The following VPS35L variants were observed in gnomAD, a reference collection of about 807,000 sequenced individuals.
The protein encoded by VPS35L is VPS35 endosomal protein-sorting factor-like.
A neutral mutation model predicts 133.0 loss-of-function variants in VPS35L; 83 were observed. The ratio of observed to expected loss-of-function variants is 0.62; its 90% CI spans 0.52 to 0.75. The LOEUF (loss-of-function observed/expected upper bound fraction) is 0.75. Among genes scored for constraint, VPS35L ranks in the 30% least tolerant of loss-of-function variants. The pLI is 0.00. For missense variants in VPS35L, 1,083 were observed against 1,206.8 expected (o/e 0.90, Z 1.52); for synonymous variants, 423 against 449.9 (o/e 0.94, Z 0.76).
chr16:19,571,729 GA>G (rs1018179064), intron 3 of VPS35L, among the ~76,000 whole-genome samples: 3 of 151,688 alleles, frequency 2.0e-5, no homozygotes, highest in Admixed American at 6.6e-5. Flanking sequence ...ATTTTTTGTA[GA>G]GACAAGGTTT....
At chr16:19,616,264 T>C in intron 13 of VPS35L, 73 bp downstream of exon 13, 1 of 1,348,174 alleles carries the variant, frequency 7.4e-7, no homozygotes, top group Admixed American at 1.7e-5. Context: ...ACCCAGTTGG[T>C]TTTCCAAGTG....
intron 14 of VPS35L, chr16:19,617,561 A>C (rs936676627): frequency 5.9e-5 from 9 of 152,118 alleles, no homozygotes; most frequent in African/African-American, 4.8e-5. Context: ...TTATAATTTT[A>C]TTTTTCTTTT....
intron 23 of VPS35L, among the ~76,000 whole-genome samples, chr16:19,645,798 AAAG>A (rs1357008930): frequency 6.6e-6 from 1 of 152,204 alleles, no homozygotes; most frequent in African/African-American, 2.4e-5. Context: ...CCGAGAGTGG[AAAG>A]AAGGTGTGTC....
At position 19,579,046 on chromosome 16, in the gene VPS35L, G is replaced by A. The variant is rs1971624126; in HGVS notation, c.434-6G>A. ...CACCTGTGTGACGTAAATTCATTCTGTTTAGGCAAAGCTGGGACTGCCACA... is the reference window on the plus strand; with the variant it reads ...CACCTGTGTGACGTAAATTCATTCTATTTAGGCAAAGCTGGGACTGCCACA... On this transcript the variant is annotated splice_polypyrimidine_tract_variant and splice_region_variant and intron_variant, in intron 5 of 30. Transcript: ENST00000417362. 2 of 1,613,792 alleles carry A rather than the reference G, an allele frequency of 1.2e-6. No homozygotes were observed. Among genetic ancestry groups the A allele is most frequent in the African/African-American group, 1.3e-5 (1 of 74,932 alleles).
intron 28 of VPS35L, among the ~76,000 whole-genome samples, chr16:19,687,242 T>TA (rs1207415817): frequency 1.3e-5 from 2 of 152,156 alleles, no homozygotes; most frequent in East Asian, 3.8e-4. Context: ...TCTTCTCCAT[T>TA]GCTGGGCTGT....
intron 26 of VPS35L, among the ~76,000 whole-genome samples, chr16:19,660,339 A>T (rs1445386348): frequency 2.0e-5 from 3 of 151,932 alleles, no homozygotes; most frequent in Admixed American, 6.6e-5. Flanking sequence ...AAAAAAAAAA[A>T]AATAAAGAAG....
intron 27 of VPS35L, among the ~76,000 whole-genome samples, chr16:19,670,990 T>C (rs1180577086): frequency 6.6e-6 from 1 of 152,172 alleles, no homozygotes; most frequent in Non-Finnish European, 1.5e-5. Flanking sequence ...TTCAGAAGAT[T>C]GTGTATGTTC....
chr16:19,591,426 C>A (rs1295860673), intron 7 of VPS35L, among the ~76,000 whole-genome samples: 1 of 151,802 alleles, frequency 6.6e-6, no homozygotes, highest in Non-Finnish European at 1.5e-5. Flanking sequence ...TCTTAAGAGA[C>A]TGTTATGGGC....
chr16:19,651,303 G>T (rs1974115024), intron 25 of VPS35L, among the ~76,000 whole-genome samples: 1 of 152,058 alleles, frequency 6.6e-6, no homozygotes, highest in Non-Finnish European at 1.5e-5. Flanking sequence ...ACAGGGTCTT[G>T]CTCTGTCACC....
In VPS35L at chr16:19,569,829, G is replaced by A. The variant is rs564027976; in HGVS notation, c.285+238G>A. ...GATTATAGGTACACACTACTGTGCC[G>A]GGTTAATTTTTTATTTTGTTGTAGA... is the stretch of plus-strand genomic sequence containing the variant. On this transcript the variant is annotated intron_variant, in intron 3 of 30. Coordinates refer to ENST00000417362, the MANE Select transcript of VPS35L (RefSeq NM_020314.7). Among the ~76,000 whole-genome samples, 119 of 151,266 alleles carry A rather than the reference G, an allele frequency of 7.9e-4. 1 individual carries two copies. The Middle Eastern group carries it at 0.01, about 13-fold the overall frequency.
intron 28 of VPS35L, among the ~76,000 whole-genome samples, chr16:19,684,930 C>A (rs570738257): frequency 4.0e-5 from 6 of 151,832 alleles, no homozygotes; most frequent in Non-Finnish European, 7.4e-5. Flanking sequence ...TGTTGGCAAG[C>A]GCCTATAATC....
rs1032135504 is a variant in VPS35L, at chr16:19,699,918, T to C, written c.2793+270T>C. 6.6e-6 allele frequency among the ~76,000 whole-genome samples: 1 copy of C among 152,090 alleles called. No individual in the cohort carries two copies. Among genetic ancestry groups the C allele is most frequent in the African/African-American group, 2.4e-5 (1 of 41,418 alleles). ...TTTGACACCAGCCTGGGCAACATAG[T>C]GAGACCAGGTCTCTACAAAAAATAA... is the stretch of plus-strand genomic sequence containing the variant. On this transcript the variant is annotated intron_variant, in intron 30 of 30. Coordinates refer to ENST00000417362, the MANE Select transcript of VPS35L (RefSeq NM_020314.7). This position sits in a 1 kb window ranked among gnomAD's most constrained non-coding sequence, Gnocchi z 4.2.
At chr16:19,607,688 T>G (rs991748574) in intron 9 of VPS35L, 1 of 154,042 alleles carries the variant, frequency 6.5e-6, no homozygotes, top group East Asian at 1.9e-4. Flanking sequence ...ACATTTCATG[T>G]TGCAGTCGCA....
At chr16:19,654,451 C>T (rs961942527) in intron 26 of VPS35L, among the ~76,000 whole-genome samples, 7 of 151,052 alleles carry the variant, frequency 4.6e-5, no homozygotes, top group Non-Finnish European at 1.0e-4. Flanking sequence ...GATGGGTTAT[C>T]GGGAGGCTGA....
chr16:19,680,272 A>T (rs1359413270), intron 27 of VPS35L, among the ~76,000 whole-genome samples: 2 of 152,210 alleles, frequency 1.3e-5, no homozygotes, highest in East Asian at 3.8e-4. Flanking sequence ...TAGCCACTTC[A>T]GTACCTGACA....
rs1344342825 is a variant in VPS35L at position 19,575,130 on chromosome 16, G to C, written c.433+8G>C. On this transcript the variant is annotated splice_region_variant and intron_variant, in intron 5 of 30. Transcript: ENST00000417362. ...TTATGGGATCTGAAAAAGGTAAGAT[G>C]AGTTTGTTGTTGTTTTGATGGGAAA... 6.2e-7 allele frequency: 1 copy of C among 1,606,694 alleles called. No individual in the cohort carries two copies. Among genetic ancestry groups the C allele is most frequent in the Non-Finnish European group, 8.5e-7 (1 of 1,175,392 alleles).
chr16:19,587,524 T>C (rs1161009464), intron 7 of VPS35L: 1 of 248,450 alleles, frequency 4.0e-6, no homozygotes, highest in Admixed American at 5.4e-5. Context: ...AGCTACTTGA[T>C]ACTCAAGGTT....
rs186964583 is a variant in VPS35L, at chr16:19,620,450, C to T, written c.1224+3642C>T. Among the ~76,000 whole-genome samples the T allele has an allele frequency of 6.5e-4, 99 of 152,154 alleles. 3 individuals carry two copies. In the East Asian group the frequency reaches 0.016, roughly 24 times the overall value. On this transcript the variant is annotated intron_variant, in intron 14 of 30. Coordinates refer to ENST00000417362, the MANE Select transcript of VPS35L (RefSeq NM_020314.7). The stretch of plus-strand genomic sequence containing the variant: ...ATTATAGTTATGTAAATGGGAGAAG[C>T]TGGGTGGTGGGTACCCAGGACTTCT...
In VPS35L at chr16:19,647,799, G is replaced by T. The variant is rs1973998622; in HGVS notation, c.1945G>T (p.Asp649Tyr). ...GFIKMVSFGR[D>Y]FEQQLSFYVE... ...TTGATTCTAGGTTTCCTTTGGCCGT[G>T]ATTTTGAACAACAGCTGAGTTTTTA... The change falls in exon 24 of 31, where the codon GAT becomes TAT. Residue 649 changes from aspartate to tyrosine, a missense_variant. Coordinates refer to ENST00000417362, the MANE Select transcript of VPS35L (RefSeq NM_020314.7). The T allele has an allele frequency of 3.1e-6, 5 of 1,614,070 alleles. No individual in the cohort carries two copies. The highest frequency in any genetic ancestry group is 3.4e-6 in the Non-Finnish European group (4 of 1,180,006).
Sources: allele counts gnomAD v4.1 joint callset (sites outside exome capture counted in the v4.1 genomes callset), GRCh38; gene constraint gnomAD v4.1.1; non-coding constraint Gnocchi (gnomAD v3.1); transcripts MANE v1.5; gene names NCBI Gene and HGNC (gene_info 2026-07-23, HGNC 2026-07-21).